The following BMPER variants were observed in gnomAD, a reference collection of about 807,000 sequenced individuals.
The protein encoded by BMPER is BMP-binding endothelial regulator protein.
Under a neutral mutation model 87.3 loss-of-function variants are expected in BMPER, and 45 were observed. The observed-to-expected ratio is 0.52, with a 90% CI of 0.41 to 0.66. BMPER has a LOEUF of 0.66. BMPER is among the 30% of genes least tolerant of loss of function. The probability of loss-of-function intolerance (pLI) is 0.00; values close to 1 mark genes in which losing one functional copy is unlikely to be tolerated. For missense variants in BMPER, 784 were observed against 867.5 expected (o/e 0.90, Z 1.21); for synonymous variants, 326 against 316.2 (o/e 1.03, Z -0.33).
At chr7:34,051,034 T>C (rs1788134786) in intron 7 of BMPER, among the ~76,000 whole-genome samples, 1 of 152,192 alleles carries the variant, frequency 6.6e-6, no homozygotes, top group African/African-American at 2.4e-5. Flanking sequence ...AATTTATTTC[T>C]CATCTTGGAG....
chr7:33,998,530 C>G (rs914233074), intron 6 of BMPER, among the ~76,000 whole-genome samples: 15 of 152,328 alleles, frequency 9.8e-5, no homozygotes, highest in African/African-American at 3.1e-4. Context: ...AACTTAGGCA[C>G]TCTCAAGTTG....
chr7:34,061,950 GTTTT>G, intron 10 of BMPER, 48 bp from the exon 11 acceptor site: 2 of 1,171,690 alleles, frequency 1.7e-6, no homozygotes, highest in Non-Finnish European at 2.4e-6. Context: ...AGGAGACCCT[GTTTT>G]TTTTTTTTTT....
At chr7:34,033,014 T>G (rs1787570988) in intron 6 of BMPER, among the ~76,000 whole-genome samples, 1 of 152,184 alleles carries the variant, frequency 6.6e-6, no homozygotes, top group South Asian at 2.1e-4. Context: ...GGAAACACTT[T>G]CCTAAAACAA....
intron 13 of BMPER, among the ~76,000 whole-genome samples, chr7:34,110,061 A>T (rs1789919978): frequency 6.6e-6 from 1 of 152,192 alleles, no homozygotes; most frequent in South Asian, 2.1e-4. Flanking sequence ...CATGCTCCTG[A>T]TGAGATTTTG....
At chr7:33,932,749 A>T (rs1247221327) in intron 2 of BMPER, among the ~76,000 whole-genome samples, 4 of 152,166 alleles carry the variant, frequency 2.6e-5, no homozygotes, top group African/African-American at 9.7e-5. Flanking sequence ...TATAAATGAA[A>T]GGTCAAGGAA....
At chr7:33,963,742 A>G (rs1022582271) in intron 3 of BMPER, among the ~76,000 whole-genome samples, 2 of 152,120 alleles carry the variant, frequency 1.3e-5, no homozygotes, top group African/African-American at 4.8e-5. Flanking sequence ...GCAGTAAGCC[A>G]AGATCGCGCC....
intron 2 of BMPER, among the ~76,000 whole-genome samples, chr7:33,928,127 C>G (rs981238080): frequency 6.6e-6 from 1 of 152,136 alleles, no homozygotes; most frequent in Non-Finnish European, 1.5e-5. Context: ...TCCCACATCC[C>G]AGCTGTTGGA....
At chr7:34,045,037 C>T (rs1787924450) in intron 6 of BMPER, among the ~76,000 whole-genome samples, 1 of 152,078 alleles carries the variant, frequency 6.6e-6, no homozygotes, top group Non-Finnish European at 1.5e-5. Flanking sequence ...GTCCACAGCT[C>T]TTTGAGCTGT....
At chr7:34,038,262 T>G (rs1787737218) in intron 6 of BMPER, among the ~76,000 whole-genome samples, 2 of 151,964 alleles carry the variant, frequency 1.3e-5, no homozygotes, top group South Asian at 2.1e-4. Flanking sequence ...GGAGGAGATG[T>G]GATGATGAGC....
intron 2 of BMPER, among the ~76,000 whole-genome samples, chr7:33,923,929 C>T (rs985850410): frequency 2.0e-5 from 3 of 152,148 alleles, no homozygotes; most frequent in African/African-American, 7.2e-5. Context: ...TTATACAGAT[C>T]CATTGCCTAA....
At chr7:33,970,296 G>A (rs766277874) in intron 4 of BMPER, 33 bp from the exon 5 acceptor site, 6 of 1,600,082 alleles carry the variant, frequency 3.7e-6, no homozygotes, top group Non-Finnish European at 5.1e-6. Flanking sequence ...GGGAATTCTG[G>A]GCTGACTTTG....
At chr7:33,957,363 C>T (rs1164788948) in intron 3 of BMPER, among the ~76,000 whole-genome samples, 1 of 150,128 alleles carries the variant, frequency 6.7e-6, no homozygotes, top group Non-Finnish European at 1.5e-5. Flanking sequence ...CAAAAGGCTA[C>T]ATACTAGATG....
intron 3 of BMPER, among the ~76,000 whole-genome samples, chr7:33,945,474 A>T (rs1784871229): frequency 7.3e-6 from 1 of 136,388 alleles, no homozygotes; most frequent in African/African-American, 2.8e-5. Flanking sequence ...CTGGTCTTGA[A>T]CTCCTGATCT....
chr7:34,044,425 T>A (rs1371529608), intron 6 of BMPER, among the ~76,000 whole-genome samples: 1 of 152,196 alleles, frequency 6.6e-6, no homozygotes, highest in African/African-American at 2.4e-5. Flanking sequence ...ATAGGCAACC[T>A]TGTGTGGCCC....
chr7:33,984,147 C>G (rs1785935336), intron 6 of BMPER, among the ~76,000 whole-genome samples: 1 of 152,138 alleles, frequency 6.6e-6, no homozygotes, highest in Non-Finnish European at 1.5e-5. Context: ...ACCCTTATTG[C>G]CTCTGCTCCC....
chr7:34,061,742 G>C (rs1334414586), intron 10 of BMPER, among the ~76,000 whole-genome samples: 1 of 152,174 alleles, frequency 6.6e-6, no homozygotes, highest in Non-Finnish European at 1.5e-5. Context: ...AATCACACTA[G>C]TGAGCCCTTT....
chr7:34,084,543 G>A (rs977237301), intron 12 of BMPER, among the ~76,000 whole-genome samples: 3 of 152,224 alleles, frequency 2.0e-5, no homozygotes, highest in Non-Finnish European at 4.4e-5. Context: ...CTGCCAGGGT[G>A]TTGCCAGAAC....
intron 6 of BMPER, among the ~76,000 whole-genome samples, chr7:34,014,323 A>G (rs927589067): frequency 2.6e-5 from 4 of 152,078 alleles, no homozygotes; most frequent in Non-Finnish European, 4.4e-5. Flanking sequence ...GTGAGGTCAG[A>G]GATGTGGAGC....
chr7:34,033,331 G>C (rs1334710285), intron 6 of BMPER, among the ~76,000 whole-genome samples: 3 of 152,290 alleles, frequency 2.0e-5, no homozygotes, highest in African/African-American at 7.2e-5. Flanking sequence ...CTCGGAGCTA[G>C]CAATGTTCTG....
Sources: allele counts gnomAD v4.1 joint callset (sites outside exome capture counted in the v4.1 genomes callset), GRCh38; gene constraint gnomAD v4.1.1; transcripts MANE v1.5; gene names NCBI Gene and HGNC (gene_info 2026-07-23, HGNC 2026-07-21).